Variants in HIKESHI observed in about 807,000 individuals in gnomAD.
HIKESHI encodes heat shock protein nuclear import factor hikeshi.
HIKESHI carries 13 observed loss-of-function variants against 25.7 expected under a neutral mutation model. The ratio of observed to expected loss-of-function variants is 0.51; its 90% confidence interval spans 0.33 to 0.80. HIKESHI has a LOEUF of 0.80. Ranked by LOEUF, HIKESHI falls within the 30% of genes least tolerant of loss-of-function variation. The pLI is 0.02. For missense variants in HIKESHI, 174 were observed against 229.5 expected (o/e 0.76, Z 1.56); for synonymous variants, 76 against 78.7 (o/e 0.97, Z 0.18).
At chr11:86,318,398 A>G (rs1383721155) in intron 2 of HIKESHI, among the ~76,000 whole-genome samples, 1 of 151,560 alleles carries the variant, frequency 6.6e-6, no homozygotes, top group Admixed American at 6.6e-5. Context: ...TTCCTTCCTC[A>G]TGCAGCCATC....
At position 86,302,338 on chromosome 11, in the gene HIKESHI, G is replaced by A. The variant is rs11234604; in HGVS notation, c.-111G>A. The A allele has an allele frequency of 0.065, 88,048 of 1,359,700 alleles. 3,630 individuals are homozygous for A. Among genetic ancestry groups the A allele is most frequent in the African/African-American group, 0.18 (12,326 of 69,508 alleles). 84.2% of individuals were successfully genotyped at this position (1,359,700 alleles called of 1,614,324 possible). ...CCAGTCACTATGTAGTGGAGGGGCA[G>A]ACACCCTCCCGCAAATTCTGGAAGG... On this transcript the variant is annotated 5_prime_UTR_variant, in exon 1 of 5. Coordinates refer to ENST00000278483, the MANE Select transcript of HIKESHI (RefSeq NM_016401.4).
At chr11:86,322,421 A>G (rs936734571) in intron 2 of HIKESHI, among the ~76,000 whole-genome samples, 2 of 152,028 alleles carry the variant, frequency 1.3e-5, no homozygotes, top group Non-Finnish European at 2.9e-5. Context: ...GTGTGTATGT[A>G]TATATATGTG....
intron 2 of HIKESHI, among the ~76,000 whole-genome samples, chr11:86,331,770 G>A (rs1947430001): frequency 6.6e-6 from 1 of 152,024 alleles, no homozygotes; most frequent in Non-Finnish European, 1.5e-5. Context: ...ATATACATTA[G>A]TGAAAATGTA....
intron 1 of HIKESHI, among the ~76,000 whole-genome samples, chr11:86,302,834 C>T (rs907483072): frequency 2.0e-5 from 3 of 152,164 alleles, no homozygotes; most frequent in Non-Finnish European, 4.4e-5. Context: ...TGACATTTTG[C>T]AGTTACAGAA....
chr11:86,345,156 A>G, intron 4 of HIKESHI: 1 of 1,040,770 alleles, frequency 9.6e-7, no homozygotes, highest in Non-Finnish European at 1.2e-6. Flanking sequence ...TTTGTTGAGA[A>G]GTGGTACCAT....
chr11:86,313,126 G>A (rs1207479524), intron 2 of HIKESHI, among the ~76,000 whole-genome samples: 1 of 152,212 alleles, frequency 6.6e-6, no homozygotes, highest in African/African-American at 2.4e-5. Flanking sequence ...GTGAAGAAAT[G>A]TGAGAATGAA....
At chr11:86,341,676 C>T (rs978147205) in intron 3 of HIKESHI, among the ~76,000 whole-genome samples, 1 of 151,986 alleles carries the variant, frequency 6.6e-6, no homozygotes, top group Admixed American at 6.6e-5. Flanking sequence ...GATGGGGCCT[C>T]ATTATGTTGC....
Position 86,319,242 on chromosome 11 carries a change from A to ATATATTTTTT in HIKESHI, c.268+12761_268+12762insATATTTTTTT, listed in dbSNP as rs1383589741. Among the ~76,000 whole-genome samples the ATATATTTTTT allele has an allele frequency of 2.6e-4, 25 of 94,942 alleles. No homozygotes were observed. In the South Asian group the frequency reaches 6.4e-3, roughly 24 times the overall value. 62.3% of individuals were successfully genotyped at this position (94,942 alleles called of 152,430 possible). On this transcript the variant is annotated intron_variant, in intron 2 of 4. Coordinates refer to ENST00000278483, the MANE Select transcript of HIKESHI (RefSeq NM_016401.4). ...AATATATATATATATATATATATAT[A>ATATATTTTTT]TTTTTTTTTTTTTTGAGACCAGTCT...
chr11:86,332,621 C>G (rs1397866316), intron 2 of HIKESHI, among the ~76,000 whole-genome samples: 1 of 151,996 alleles, frequency 6.6e-6, no homozygotes, highest in African/African-American at 2.4e-5. Context: ...TTTATCAGTA[C>G]TCATCAAAAC....
intron 2 of HIKESHI, among the ~76,000 whole-genome samples, chr11:86,322,323 A>G (rs549776181): frequency 7.0e-4 from 107 of 152,002 alleles, no homozygotes; most frequent in Non-Finnish European, 9.3e-4. Flanking sequence ...TGCTATTTAT[A>G]TATCTTCTCT....
chr11:86,330,009 A>C (rs985334273), intron 2 of HIKESHI, among the ~76,000 whole-genome samples: 1 of 151,624 alleles, frequency 6.6e-6, no homozygotes, highest in Non-Finnish European at 1.5e-5. Context: ...ACAGTTATTT[A>C]TATGGTTAGG....
chr11:86,335,007 T>C (rs888607192), intron 2 of HIKESHI, among the ~76,000 whole-genome samples: 1 of 152,194 alleles, frequency 6.6e-6, no homozygotes, highest in African/African-American at 2.4e-5. Context: ...GAACATTTAA[T>C]CAAGAAAATA....
intron 2 of HIKESHI, among the ~76,000 whole-genome samples, chr11:86,318,130 C>T (rs998478765): frequency 2.6e-5 from 4 of 151,114 alleles, no homozygotes; most frequent in African/African-American, 9.7e-5. Flanking sequence ...CGTTGAAACC[C>T]CATCTCTACT....
At chr11:86,331,627 T>C (rs1305888035) in intron 2 of HIKESHI, among the ~76,000 whole-genome samples, 3 of 152,294 alleles carry the variant, frequency 2.0e-5, no homozygotes, top group Non-Finnish European at 4.4e-5. Flanking sequence ...TTGTGCTCTA[T>C]AGAGGACAGT....
chr11:86,309,256 C>T (rs1308816598), intron 2 of HIKESHI, among the ~76,000 whole-genome samples: 1 of 152,142 alleles, frequency 6.6e-6, no homozygotes, highest in African/African-American at 2.4e-5. Context: ...TTAATGATCA[C>T]CATTCTAACT....
At chr11:86,334,831 G>A (rs936803143) in intron 2 of HIKESHI, among the ~76,000 whole-genome samples, 1 of 152,074 alleles carries the variant, frequency 6.6e-6, no homozygotes, top group African/African-American at 2.4e-5. Context: ...GTAGAGATGG[G>A]GTCTCCCCAT....
chr11:86,329,410 T>C (rs750944664), intron 2 of HIKESHI, among the ~76,000 whole-genome samples: 2 of 152,166 alleles, frequency 1.3e-5, no homozygotes, highest in Non-Finnish European at 2.9e-5. Flanking sequence ...TTGATTTTTG[T>C]ATGGCTTTGT....
At chr11:86,339,507 T>G (rs1406446786) in intron 3 of HIKESHI, among the ~76,000 whole-genome samples, 2 of 152,228 alleles carry the variant, frequency 1.3e-5, no homozygotes, top group Admixed American at 1.3e-4. Flanking sequence ...TGCCACTAAT[T>G]TTTAAAAAAG....
Position 86,330,630 on chromosome 11 carries a change from C to T in HIKESHI, c.269-6749C>T, listed in dbSNP as rs370058542. On this transcript the variant is annotated intron_variant, in intron 2 of 4. Transcript: ENST00000278483. ...GTCCAGGTTGTCCTGAGAATTTTCTCAGTGGACTACCTAAGTCTCCTCAGT... is the reference window on the plus strand; with the variant it reads ...GTCCAGGTTGTCCTGAGAATTTTCTTAGTGGACTACCTAAGTCTCCTCAGT... Among the ~76,000 whole-genome samples the T allele has an allele frequency of 3.9e-5, 6 of 152,298 alleles. No individual in the cohort carries two copies. The East Asian group carries it at 1.2e-3, about 29-fold the overall frequency.
Sources: allele counts gnomAD v4.1 joint callset (sites outside exome capture counted in the v4.1 genomes callset), GRCh38; gene constraint gnomAD v4.1.1; transcripts MANE v1.5; gene names NCBI Gene and HGNC (gene_info 2026-07-23, HGNC 2026-07-21).